Variants in PPP1R37 observed in about 807,000 individuals in gnomAD.
PPP1R37 encodes the protein protein phosphatase 1 regulatory subunit 37, also known as leucine rich repeat containing 68.
PPP1R37 carries 21 observed loss-of-function variants against 61.0 expected under a neutral mutation model. That is an observed-to-expected ratio of 0.34 (90% CI 0.24 to 0.50). PPP1R37 has a LOEUF of 0.50. PPP1R37 is among the 20% of genes least tolerant of loss of function. PPP1R37 has a pLI of 0.98. For missense variants in PPP1R37, 910 were observed against 952.7 expected (o/e 0.96, Z 0.59); for synonymous variants, 443 against 433.5 (o/e 1.02, Z -0.27).
chr19:45,143,391 G>A, intron 7 of PPP1R37, 130 bp from the exon 8 acceptor site: 1 of 592,784 alleles, frequency 1.7e-6, no homozygotes, highest in Non-Finnish European at 3.0e-6. Flanking sequence ...AGGCAGGGCT[G>A]CAGGGCAAGG....
chr19:45,139,905 C>G (rs1968587647), intron 2 of PPP1R37, among the ~76,000 whole-genome samples: 1 of 152,264 alleles, frequency 6.6e-6, no homozygotes, highest in African/African-American at 2.4e-5. Flanking sequence ...TGCCTCACAG[C>G]CTTTGCACAG....
intron 8 of PPP1R37, 76 bp downstream of exon 8, chr19:45,143,709 C>A: frequency 1.2e-6 from 1 of 844,076 alleles, no homozygotes; most frequent in Non-Finnish European, 1.9e-6. Context: ...AGCACAGTTG[C>A]CTCTAGCTGA....
At chr19:45,143,824 C>T in intron 8 of PPP1R37, 191 bp downstream of exon 8, 1 of 482,164 alleles carries the variant, frequency 2.1e-6, no homozygotes, top group Non-Finnish European at 3.7e-6. Flanking sequence ...AGGAGCCCTT[C>T]TTTCATTATC....
chr19:45,098,896 C>T (rs1968027252), intron 1 of PPP1R37, among the ~76,000 whole-genome samples: 1 of 152,116 alleles, frequency 6.6e-6, no homozygotes, highest in South Asian at 2.1e-4. Context: ...GGGCCCAGCT[C>T]CACCTCCTGC....
intron 1 of PPP1R37, among the ~76,000 whole-genome samples, chr19:45,134,622 G>A (rs1968516548): frequency 1.3e-5 from 2 of 149,710 alleles, no homozygotes; most frequent in Non-Finnish European, 3.0e-5. Context: ...ACAGTGGCAC[G>A]ATCTCGGCTC....
At chr19:45,137,010 T>G (rs986912077) in intron 1 of PPP1R37, 1 of 151,904 alleles carries the variant, frequency 6.6e-6, no homozygotes, top group African/African-American at 2.4e-5. Flanking sequence ...TCCCACTGCG[T>G]CCAGCAGCAG....
intron 1 of PPP1R37, among the ~76,000 whole-genome samples, chr19:45,110,808 A>T (rs1012494821): frequency 6.6e-6 from 1 of 152,230 alleles, no homozygotes; most frequent in Admixed American, 6.5e-5. Flanking sequence ...TTGCTGGACC[A>T]GTAAACAGCT....
At chr19:45,112,536 T>A (rs1968214560) in intron 1 of PPP1R37, among the ~76,000 whole-genome samples, 2 of 152,228 alleles carry the variant, frequency 1.3e-5, no homozygotes, top group African/African-American at 4.8e-5. Flanking sequence ...GAGCAGCAGC[T>A]GTGTGCCTAG....
chr19:45,115,828 G>A (rs1968259760), intron 1 of PPP1R37, among the ~76,000 whole-genome samples: 1 of 152,058 alleles, frequency 6.6e-6, no homozygotes, highest in South Asian at 2.1e-4. Context: ...TACAAAATTA[G>A]CCTGGTGTGG....
chr19:45,146,142 C>G (rs1426585050), intron 11 of PPP1R37, 93 bp downstream of exon 11: 4 of 1,339,312 alleles, frequency 3.0e-6, no homozygotes, highest in Non-Finnish European at 4.0e-6. Context: ...CAGTTTCCCC[C>G]TCTTTAAAAT....
intron 1 of PPP1R37, among the ~76,000 whole-genome samples, chr19:45,106,324 C>T (rs1190418408): frequency 2.6e-5 from 4 of 152,134 alleles, no homozygotes; most frequent in Non-Finnish European, 5.9e-5. Flanking sequence ...TTACTGAAAC[C>T]TTTGCCTCCC....
intron 1 of PPP1R37, among the ~76,000 whole-genome samples, chr19:45,131,460 A>C (rs1968476162): frequency 6.6e-6 from 1 of 152,184 alleles, no homozygotes; most frequent in South Asian, 2.1e-4. Context: ...GGTGTGTTCC[A>C]GTCCTGCCAC....
chr19:45,101,990 C>T (rs1445249012), intron 1 of PPP1R37, among the ~76,000 whole-genome samples: 3 of 152,230 alleles, frequency 2.0e-5, no homozygotes, highest in African/African-American at 7.2e-5. Flanking sequence ...ATTCCCCTTC[C>T]CTTCTCTCCT....
chr19:45,118,683 C>T (rs1013336441), intron 1 of PPP1R37, among the ~76,000 whole-genome samples: 2 of 152,210 alleles, frequency 1.3e-5, no homozygotes, highest in South Asian at 2.1e-4. Flanking sequence ...CACCCCTCAC[C>T]GTGTACCTCA....
rs763966523 is a variant in PPP1R37 at position 45,145,273 on chromosome 19, C to T, written c.1296+13C>T. On this transcript the variant is annotated intron_variant, in intron 10 of 12. Transcript: ENST00000221462. ...CAAGAAAGAGGCGGTGAGCAGGGGA[C>T]GGTCCTGCAGCCCTGGGGCGGGCGG... The T allele has an allele frequency of 1.2e-5, 18 of 1,527,980 alleles. No individual in the cohort carries two copies. Among genetic ancestry groups the T allele is most frequent in the African/African-American group, 5.5e-5 (4 of 72,806 alleles). 94.7% of individuals were successfully genotyped at this position (1,527,980 alleles called of 1,614,324 possible).
At position 45,093,180 on chromosome 19, in the gene PPP1R37, A is replaced by T. The variant is rs1221145343; in HGVS notation, c.-146A>T. 2 of 615,770 alleles carry T rather than the reference A, an allele frequency of 3.2e-6. No homozygotes were observed. Among genetic ancestry groups the T allele is most frequent in the Non-Finnish European group, 4.8e-6 (2 of 415,156 alleles). 38.1% of individuals were successfully genotyped at this position (615,770 alleles called of 1,614,324 possible). ...AGGCGCGCTTGGGCTCCCGGCGGCG[A>T]CGACTACGACCACTAGGAGAGCGGA... On this transcript the variant is annotated 5_prime_UTR_variant, in exon 1 of 13. Coordinates refer to ENST00000221462, the MANE Select transcript of PPP1R37 (RefSeq NM_019121.2).
chr19:45,124,212 G>T (rs149810829), intron 1 of PPP1R37, among the ~76,000 whole-genome samples: 1 of 152,306 alleles, frequency 6.6e-6, no homozygotes, highest in Non-Finnish European at 1.5e-5. Context: ...ATCAGGGAGG[G>T]CTTCCTGGAG....
intron 1 of PPP1R37, among the ~76,000 whole-genome samples, chr19:45,128,311 C>T (rs927463276): frequency 1.3e-5 from 2 of 152,180 alleles, no homozygotes; most frequent in Non-Finnish European, 2.9e-5. Flanking sequence ...GTTTTATTTG[C>T]ACATGTCCAG....
intron 1 of PPP1R37, among the ~76,000 whole-genome samples, chr19:45,118,851 T>A (rs963224000): frequency 2.0e-5 from 3 of 152,134 alleles, no homozygotes; most frequent in Non-Finnish European, 4.4e-5. Flanking sequence ...CGGGCTGGGC[T>A]TTATAACTAA....
Sources: allele counts gnomAD v4.1 joint callset (sites outside exome capture counted in the v4.1 genomes callset), GRCh38; gene constraint gnomAD v4.1.1; transcripts MANE v1.5; gene names NCBI Gene and HGNC (gene_info 2026-07-23, HGNC 2026-07-21).